EML5: variants seen among roughly 807,000 people sequenced by gnomAD.
The protein encoded by EML5 is echinoderm microtubule-associated protein-like 5.
In EML5, 120 loss-of-function variants were observed where a neutral mutation model predicts 250.0. That is an observed-to-expected ratio of 0.48 (90% CI 0.41 to 0.56). The LOEUF is 0.56. Among genes scored for constraint, EML5 ranks in the 20% least tolerant of loss-of-function variants. The probability of loss-of-function intolerance (pLI) is 0.00; values close to 1 mark genes in which losing one functional copy is unlikely to be tolerated. For missense variants in EML5, 2,006 were observed against 2,437.6 expected (o/e 0.82, Z 3.73); for synonymous variants, 771 against 806.5 (o/e 0.96, Z 0.75).
At chr14:88,698,146 T>C in intron 14 of EML5, among the ~76,000 whole-genome samples, 1 of 152,184 alleles carries the variant, frequency 6.6e-6, no homozygotes, top group East Asian at 1.9e-4. Flanking sequence ...TTTTAACATT[T>C]TTTGTGGGTA....
chr14:88,616,181 C>T lies in EML5; in HGVS notation c.5858G>A (p.Gly1953Asp). The T allele has an allele frequency of 3.7e-6, 6 of 1,613,918 alleles. No individual in the cohort carries two copies. The highest frequency in any genetic ancestry group is 3.3e-5 in the South Asian group (3 of 91,080). The part of the protein sequence containing the change: ...PHVTNIRFTS[G>D]DRHVVSAGGD... ...TCCAGCACTAACAACATGTCGATCA[C>T]CACTGGTAAATCGAATATTTGTCAC... Residue 1953 changes from glycine to aspartate, a missense_variant, in exon 43 of 44, where the codon GGT (glycine) becomes GAT (aspartate). Transcript: ENST00000554922.
intron 10 of EML5, among the ~76,000 whole-genome samples, chr14:88,707,700 A>G (rs1469862176): frequency 6.6e-6 from 1 of 152,166 alleles, no homozygotes; most frequent in Non-Finnish European, 1.5e-5. Flanking sequence ...TAAAGTTATA[A>G]TTTACTGCTG....
At chr14:88,715,910 G>T (rs968968593) in intron 8 of EML5, among the ~76,000 whole-genome samples, 2 of 151,940 alleles carry the variant, frequency 1.3e-5, no homozygotes, top group African/African-American at 4.8e-5. Context: ...TTTTTTCAAT[G>T]ATGACTTCTT....
chr14:88,740,359 A>C (rs746321682), intron 5 of EML5, 28 bp downstream of exon 5: 2 of 1,566,216 alleles, frequency 1.3e-6, no homozygotes, highest in Admixed American at 3.6e-5. Context: ...TACACATGAA[A>C]GTGTTTAAAA....
chr14:88,779,206 C>A (rs2094473997), intron 1 of EML5, among the ~76,000 whole-genome samples: 1 of 152,080 alleles, frequency 6.6e-6, no homozygotes, highest in Non-Finnish European at 1.5e-5. Context: ...TGTTACCATA[C>A]CAAAATTTAG....
chr14:88,744,971 T>C (rs1487306618), intron 3 of EML5, among the ~76,000 whole-genome samples: 1 of 152,054 alleles, frequency 6.6e-6, no homozygotes, highest in East Asian at 1.9e-4. Flanking sequence ...ATGAAAAACA[T>C]ATCAATGCAA....
chr14:88,651,160 T>C lies in EML5; in HGVS notation c.4005-1234A>G, dbSNP rs568087660. 3.4e-3 allele frequency among the ~76,000 whole-genome samples: 508 copies of C among 148,124 alleles called. 1 individual carries two copies. The highest frequency in any genetic ancestry group is 0.011 in the African/African-American group (451 of 40,600). ...ACTTCTGCCTTGTCATTTTCTTTTT[T>C]TTTTTTTTTTTTTTTTTAAGGCAAA... On this transcript the variant is annotated intron_variant, in intron 27 of 43. Transcript: ENST00000554922.
intron 21 of EML5, among the ~76,000 whole-genome samples, chr14:88,681,332 CG>C (rs1478877920): frequency 3.3e-5 from 5 of 152,140 alleles, no homozygotes; most frequent in Non-Finnish European, 5.9e-5. Flanking sequence ...TGGAATTGGC[CG>C]GGGGCCGTGG....
In EML5 at chr14:88,613,614, G is replaced by C. The variant is rs1294378839; in HGVS notation, c.*2204C>G. The C allele has an allele frequency of 6.6e-6, 1 of 152,088 alleles. No individual in the cohort carries two copies. The highest frequency in any genetic ancestry group is 1.5e-5 in the Non-Finnish European group (1 of 68,008). The allele number at this position is 152,088 out of a possible 1,614,324, so 9.4% of individuals were successfully genotyped here. On this transcript the variant is annotated 3_prime_UTR_variant, in exon 44 of 44. Coordinates refer to ENST00000554922, the MANE Select transcript of EML5 (RefSeq NM_183387.3). Reference sequence around the variant, plus strand: ...AGCTAAGGTTGACCATAAAACATTTGTTGGATGACGTGGTTTAAAATGATC... The same window carrying C: ...AGCTAAGGTTGACCATAAAACATTTCTTGGATGACGTGGTTTAAAATGATC...
At chr14:88,782,734 AG>A (rs2094509655) in intron 1 of EML5, among the ~76,000 whole-genome samples, 1 of 152,220 alleles carries the variant, frequency 6.6e-6, no homozygotes, top group Non-Finnish European at 1.5e-5. Context: ...GCAAATGTGC[AG>A]AAGACAAGAA....
rs1242353773 is a variant in EML5, at chr14:88,613,032, T to G, written c.*2786A>C. 6.6e-6 allele frequency: 1 copy of G among 152,332 alleles called. No individual in the cohort carries two copies. Among genetic ancestry groups the G allele is most frequent in the Non-Finnish European group, 1.5e-5 (1 of 67,996 alleles). 9.4% of individuals were successfully genotyped at this position (152,332 alleles called of 1,614,324 possible). A position where few individuals can be genotyped will look rare whatever the true frequency, so the allele number is the denominator to read the frequency against. On this transcript the variant is annotated 3_prime_UTR_variant, in exon 44 of 44. Coordinates refer to ENST00000554922, the MANE Select transcript of EML5 (RefSeq NM_183387.3). ...GCTTAGTCGTATACTCAAATGATGA[T>G]AAACCTACATGTGCAAAGGCTCACG...
intron 25 of EML5, among the ~76,000 whole-genome samples, chr14:88,659,463 C>G (rs1046110148): frequency 6.6e-6 from 1 of 152,166 alleles, no homozygotes; most frequent in Non-Finnish European, 1.5e-5. Context: ...CCACCTGCCT[C>G]GGCCTCCCAA....
chr14:88,659,030 A>G (rs1000793786), intron 25 of EML5, among the ~76,000 whole-genome samples: 3 of 152,200 alleles, frequency 2.0e-5, no homozygotes, highest in African/African-American at 2.4e-5. Context: ...TGTAAGCAAT[A>G]CACATAGAAA....
At chr14:88,776,220 T>C (rs947444103) in intron 1 of EML5, among the ~76,000 whole-genome samples, 4 of 152,144 alleles carry the variant, frequency 2.6e-5, no homozygotes, top group Non-Finnish European at 4.4e-5. Context: ...GAATATCTAC[T>C]AGCATCAACA....
At chr14:88,666,583 C>T (rs2092313433) in intron 21 of EML5, among the ~76,000 whole-genome samples, 1 of 152,094 alleles carries the variant, frequency 6.6e-6, no homozygotes, top group Non-Finnish European at 1.5e-5. Flanking sequence ...TAGGAAGATA[C>T]ATCTGTATAT....
chr14:88,688,184 T>C lies in EML5; in HGVS notation c.2742+87A>G, dbSNP rs561280161. ...ACTACTGCTGGATAGTCCAGGCAAG[T>C]AGAAAGGCAGTGTTCCTTTACTTCT... On this transcript the variant is annotated intron_variant, in intron 18 of 43. Transcript: ENST00000554922. The C allele has an allele frequency of 1.7e-5, 23 of 1,338,832 alleles. 1 individual carries two copies. In the South Asian group the frequency reaches 2.9e-4, roughly 17 times the overall value. 82.9% of individuals were successfully genotyped at this position (1,338,832 alleles called of 1,614,324 possible).
rs1207867716 is a variant in EML5, at chr14:88,614,041, G to A, written c.*1777C>T. On this transcript the variant is annotated 3_prime_UTR_variant, in exon 44 of 44. Transcript: ENST00000554922. ...TGCAGTGGAAACAGTTTTATTCTATGTAGTTTACATGCTTAAGGTTACAGA... is the reference window on the plus strand; with the variant it reads ...TGCAGTGGAAACAGTTTTATTCTATATAGTTTACATGCTTAAGGTTACAGA... 1 of 152,164 alleles carries A rather than the reference G, an allele frequency of 6.6e-6. No individual in the cohort carries two copies. Among genetic ancestry groups the A allele is most frequent in the Non-Finnish European group, 1.5e-5 (1 of 68,024 alleles). 9.4% of individuals were successfully genotyped at this position (152,164 alleles called of 1,614,324 possible). A position where few individuals can be genotyped will look rare whatever the true frequency, so the allele number is the denominator to read the frequency against.
chr14:88,784,197 G>C (rs1212979918), intron 1 of EML5, among the ~76,000 whole-genome samples: 2 of 151,846 alleles, frequency 1.3e-5, no homozygotes, highest in Middle Eastern at 3.2e-3. Context: ...TCAAAAAAAA[G>C]GAAAAACTTC....
At chr14:88,634,798 G>A (rs953222551) in intron 32 of EML5, among the ~76,000 whole-genome samples, 1 of 151,968 alleles carries the variant, frequency 6.6e-6, no homozygotes, top group Non-Finnish European at 1.5e-5. Context: ...CCTCATTTTG[G>A]TTTATAAAAA....
Sources: gnomAD v4.1 joint callset for allele counts (sites outside exome capture counted in the v4.1 genomes callset) on GRCh38, gnomAD v4.1.1 for gene constraint, MANE v1.5 for transcripts, NCBI Gene and HGNC (gene_info 2026-07-23, HGNC 2026-07-21) for gene names.